The following MS4A4E variants were observed in gnomAD, a reference collection of about 807,000 sequenced individuals.
MS4A4E encodes the protein putative membrane-spanning 4-domains subfamily A member 4E.
MS4A4E carries 23 observed loss-of-function variants against 13.3 expected under a neutral mutation model. That is an observed-to-expected ratio of 1.73 (90% CI 1.25 to 2.45). The LOEUF (loss-of-function observed/expected upper bound fraction) is 2.45. Ranked by LOEUF, MS4A4E falls within the 30% of genes most tolerant of loss-of-function variation. MS4A4E has a pLI of 0.00. For missense variants in MS4A4E, 144 were observed against 131.2 expected, an observed-to-expected ratio of 1.10 and a Z score of -0.48; for synonymous variants, 36 against 45.6, an observed-to-expected ratio of 0.79 and a Z score of 0.85.
chr11:60,237,407 A>G (rs562063102), intron 1 of MS4A4E, among the ~76,000 whole-genome samples: 2 of 152,316 alleles, frequency 1.3e-5, no homozygotes, highest in South Asian at 4.1e-4. Flanking sequence ...AGCAATGAAC[A>G]TATGTGTGCA....
At chr11:60,230,639 A>T (rs1230542863) in intron 1 of MS4A4E, among the ~76,000 whole-genome samples, 2 of 152,190 alleles carry the variant, frequency 1.3e-5, no homozygotes, top group Non-Finnish European at 2.9e-5. Context: ...CACAAATTTA[A>T]ATCTCTTTTC....
rs545860092 is a variant in MS4A4E, at chr11:60,243,028, C to A, written c.-87G>T. On this transcript the variant is annotated 5_prime_UTR_variant, in exon 1 of 9. Coordinates refer to ENST00000651255, the MANE Select transcript of MS4A4E (RefSeq NM_001393391.1). ...GGCTCTGGGCAAGTTCCTCAAAGTT[C>A]TTTGTTCCAGACACAGTCAGCTTCC... The A allele has an allele frequency of 5.2e-5, 77 of 1,474,048 alleles. No homozygotes were observed. Among genetic ancestry groups the A allele is most frequent in the Admixed American group, 1.8e-4 (9 of 50,538 alleles). The allele number at this position is 1,474,048 out of a possible 1,614,324, so 91.3% of individuals were successfully genotyped here. A position where few individuals can be genotyped will look rare whatever the true frequency, so the allele number is the denominator to read the frequency against.
rs2084156159 is a variant in MS4A4E at position 60,213,840 on chromosome 11, A to G, written c.223-708T>C. Among the ~76,000 whole-genome samples the G allele has an allele frequency of 2.0e-5, 3 of 152,132 alleles. No homozygotes were observed. In the South Asian group the frequency reaches 6.2e-4, roughly 31 times the overall value. On this transcript the variant is annotated intron_variant, in intron 4 of 8. Transcript: ENST00000651255. ...TTTTAAATTTGCTGCTTCTTATGTA[A>G]TAATTTTATTGTGAATTTCTTATAT...
intron 3 of MS4A4E, among the ~76,000 whole-genome samples, chr11:60,216,366 T>C (rs374818339): frequency 7.2e-5 from 11 of 152,138 alleles, no homozygotes; most frequent in African/African-American, 2.4e-5. Context: ...GTTACATGTA[T>C]GTGATTCTGA....
intron 1 of MS4A4E, among the ~76,000 whole-genome samples, chr11:60,241,894 G>T (rs747709689): frequency 6.6e-6 from 1 of 152,136 alleles, no homozygotes; most frequent in African/African-American, 2.4e-5. Context: ...GGATAAAGAG[G>T]TGGGGTAACC....
intron 3 of MS4A4E, among the ~76,000 whole-genome samples, chr11:60,226,511 C>T (rs2084346581): frequency 6.6e-6 from 1 of 152,124 alleles, no homozygotes. Context: ...TAACTAATGA[C>T]ATCAACAGGC....
chr11:60,231,585 G>A (rs2084412018), intron 1 of MS4A4E, among the ~76,000 whole-genome samples: 2 of 152,110 alleles, frequency 1.3e-5, no homozygotes, highest in Admixed American at 1.3e-4. Context: ...CAGTATCAAA[G>A]AAACAGGACA....
At chr11:60,223,036 G>T (rs557168463) in intron 3 of MS4A4E, among the ~76,000 whole-genome samples, 28 of 151,980 alleles carry the variant, frequency 1.8e-4, no homozygotes, top group Non-Finnish European at 3.2e-4. Context: ...TGAAGGTTTT[G>T]GTCACTCCAC....
chr11:60,222,519 C>T (rs2084282154), intron 3 of MS4A4E, among the ~76,000 whole-genome samples: 2 of 152,184 alleles, frequency 1.3e-5, no homozygotes, highest in African/African-American at 4.8e-5. Context: ...GCTGTGCATG[C>T]TCTGAATCAG....
intron 1 of MS4A4E, among the ~76,000 whole-genome samples, chr11:60,241,480 G>A (rs534782794): frequency 1.2e-4 from 18 of 152,272 alleles, no homozygotes; most frequent in African/African-American, 4.1e-4. Flanking sequence ...CCTGAGGGCC[G>A]AGCCATTATA....
chr11:60,223,697 A>T (rs1220100077), intron 3 of MS4A4E, among the ~76,000 whole-genome samples: 1 of 152,168 alleles, frequency 6.6e-6, no homozygotes, highest in African/African-American at 2.4e-5. Flanking sequence ...GCAGAAGAAC[A>T]TAGAAACACT....
chr11:60,240,127 C>T (rs2084530277), intron 1 of MS4A4E, among the ~76,000 whole-genome samples: 1 of 152,066 alleles, frequency 6.6e-6, no homozygotes, highest in African/African-American at 2.4e-5. Flanking sequence ...ACAAGCAGTC[C>T]CTAATCAAGA....
chr11:60,236,668 T>G (rs186348927), intron 1 of MS4A4E, among the ~76,000 whole-genome samples: 1 of 152,236 alleles, frequency 6.6e-6, no homozygotes, highest in East Asian at 1.9e-4. Flanking sequence ...CAGGGGTACA[T>G]GTGCAGGTTG....
At chr11:60,206,486 T>TGTATATATATATACAC (rs10635685) in intron 6 of MS4A4E, among the ~76,000 whole-genome samples, 1 of 2,756 alleles carries the variant, frequency 3.6e-4, no homozygotes, top group Non-Finnish European at 1.6e-3. Context: ...TATATATATA[T>TGTATATATATATACAC]ATGTATATAT....
At chr11:60,222,712 G>A (rs1017237465) in intron 3 of MS4A4E, among the ~76,000 whole-genome samples, 12 of 152,104 alleles carry the variant, frequency 7.9e-5, no homozygotes, top group African/African-American at 1.7e-4. Flanking sequence ...AGGAAGGAAC[G>A]TTGCCACCGG....
At chr11:60,222,432 A>G (rs1336731348) in intron 3 of MS4A4E, among the ~76,000 whole-genome samples, 1 of 152,214 alleles carries the variant, frequency 6.6e-6, no homozygotes, top group Non-Finnish European at 1.5e-5. Flanking sequence ...GAATGGTGGA[A>G]TGTCCTTTTG....
intron 3 of MS4A4E, among the ~76,000 whole-genome samples, chr11:60,226,193 G>A (rs1040748532): frequency 6.6e-6 from 1 of 151,494 alleles, no homozygotes; most frequent in Non-Finnish European, 1.5e-5. Flanking sequence ...GGCCTGGAAA[G>A]GTTTGGAATT....
chr11:60,239,392 T>C (rs1331666189), intron 1 of MS4A4E, among the ~76,000 whole-genome samples: 1 of 152,188 alleles, frequency 6.6e-6, no homozygotes, highest in Non-Finnish European at 1.5e-5. Context: ...GTATAAAACA[T>C]AAATTTCCTC....
intron 1 of MS4A4E, among the ~76,000 whole-genome samples, chr11:60,241,414 C>T (rs2084549881): frequency 6.6e-6 from 1 of 152,202 alleles, no homozygotes; most frequent in Admixed American, 6.5e-5. Context: ...TCTTATCAAA[C>T]ACACTTGGTA....
Sources: gnomAD v4.1 joint callset for allele counts (sites outside exome capture counted in the v4.1 genomes callset) on GRCh38, gnomAD v4.1.1 for gene constraint, MANE v1.5 for transcripts, NCBI Gene and HGNC (gene_info 2026-07-23, HGNC 2026-07-21) for gene names.